Variants in PRDM11 observed in about 807,000 individuals in gnomAD.
The protein encoded by PRDM11 is PR domain-containing protein 11.
A neutral mutation model predicts 97.8 loss-of-function variants in PRDM11; 20 were observed. That is an observed-to-expected ratio of 0.20 (90% CI 0.14 to 0.30). The LOEUF is 0.30. Among genes scored for constraint, PRDM11 ranks in the 10% least tolerant of loss-of-function variants. The pLI, the probability that PRDM11 is intolerant of heterozygous loss-of-function variation, is 1.00. For synonymous variants in PRDM11, 599 were observed against 637.7 expected, an observed-to-expected ratio of 0.94 and a Z score of 0.91; for missense variants, 1,139 against 1,555.2, an observed-to-expected ratio of 0.73 and a Z score of 4.50.
At position 45,152,453 on chromosome 11, in the gene PRDM11, T is replaced by C. The variant is rs112891729; in HGVS notation, c.-7+5576T>C. 2.6e-5 allele frequency among the ~76,000 whole-genome samples: 4 copies of C among 152,220 alleles called. No homozygotes were observed. The East Asian group carries it at 7.7e-4, about 29-fold the overall frequency. ...TTTTCTTTTTAGTGCATAGCACTTA[T>C]CCCATGCCCCATGTTTTACTTTTTT... On this transcript the variant is annotated intron_variant, in intron 1 of 7. Transcript: ENST00000683152.
chr11:45,110,429 G>A (rs931781011), intron 1 of PRDM11, among the ~76,000 whole-genome samples: 4 of 152,218 alleles, frequency 2.6e-5, no homozygotes, highest in Non-Finnish European at 5.9e-5. Flanking sequence ...TTTTTCTAAA[G>A]GGCCAGGTAG....
At chr11:45,209,315 C>A (rs958866956) in intron 5 of PRDM11, 1 of 354,826 alleles carries the variant, frequency 2.8e-6, no homozygotes, top group African/African-American at 2.1e-5. Context: ...ACCAGTCCCC[C>A]CCGCCACCCA....
intron 1 of PRDM11, among the ~76,000 whole-genome samples, chr11:45,117,211 G>A (rs1482552752): frequency 8.3e-6 from 1 of 120,120 alleles, no homozygotes; most frequent in East Asian, 2.6e-4. Context: ...AACAGAGTGA[G>A]ATGAGACTCC....
chr11:45,209,864 G>C (rs1167044516), intron 5 of PRDM11, among the ~76,000 whole-genome samples: 1 of 152,238 alleles, frequency 6.6e-6, no homozygotes, highest in African/African-American at 2.4e-5. Context: ...CTGGGGACTG[G>C]GGAGGGCTCC....
chr11:45,155,556 T>A (rs1211646311), intron 1 of PRDM11, among the ~76,000 whole-genome samples: 1 of 151,722 alleles, frequency 6.6e-6, no homozygotes, highest in East Asian at 2.0e-4. Context: ...GGGGTGCCCC[T>A]CTTTAGGCCG....
chr11:45,146,680 G>C lies in PRDM11; in HGVS notation c.-204G>C, dbSNP rs1220657160. On this transcript the variant is annotated 5_prime_UTR_variant, in exon 1 of 8. Transcript: ENST00000683152. ...ATAAGATGGTGGTCAAAGCAGGGGA[G>C]GAGAGCAGCAGCGAGTCGCCGCCGC... The C allele has an allele frequency of 6.6e-6, 1 of 151,966 alleles. No individual in the cohort carries two copies. The highest frequency in any genetic ancestry group is 1.5e-5 in the Non-Finnish European group (1 of 68,000). 9.4% of individuals were successfully genotyped at this position (151,966 alleles called of 1,614,324 possible).
chr11:45,168,913 G>A (rs79395908), intron 1 of PRDM11, among the ~76,000 whole-genome samples: 1 of 152,324 alleles, frequency 6.6e-6, no homozygotes, highest in African/African-American at 2.4e-5. Flanking sequence ...GCCCTCCACA[G>A]GCCACACCCC....
Position 45,228,259 on chromosome 11 carries a change from A to G in PRDM11, c.*100A>G, listed in dbSNP as rs1854325599. 3.4e-6 allele frequency: 1 copy of G among 295,370 alleles called. No individual in the cohort carries two copies. Among genetic ancestry groups the G allele is most frequent in the African/African-American group, 2.4e-5 (1 of 41,274 alleles). 18.3% of individuals were successfully genotyped at this position (295,370 alleles called of 1,614,324 possible). On this transcript the variant is annotated 3_prime_UTR_variant, in exon 8 of 8. Coordinates refer to ENST00000683152, the MANE Select transcript of PRDM11 (RefSeq NM_001384648.1). The stretch of plus-strand genomic sequence containing the variant: ...ATAAATATATATTATATTATATTAT[A>G]TTATATTATATATATATATATATAT...
intron 4 of PRDM11, among the ~76,000 whole-genome samples, chr11:45,185,977 C>T (rs950373681): frequency 7.9e-5 from 12 of 151,842 alleles, no homozygotes; most frequent in East Asian, 5.8e-4. Context: ...TGCTGGCCTT[C>T]GAGATAGAGT....
Position 45,218,725 on chromosome 11 carries a change from T to C in PRDM11, c.555-845T>C, listed in dbSNP as rs74781175. Among the ~76,000 whole-genome samples, 1,179 of 152,354 alleles carry C rather than the reference T, an allele frequency of 7.7e-3. 12 individuals are homozygous for C. Among genetic ancestry groups the C allele is most frequent in the African/African-American group, 0.026 (1,093 of 41,582 alleles). ...TTTGGAGGTGGGTAGGGTGGTGGGC[T>C]GGATGTCGCACATGTTGTTTCAGTG... On this transcript the variant is annotated intron_variant, in intron 5 of 7. Transcript: ENST00000683152.
intron 1 of PRDM11, among the ~76,000 whole-genome samples, chr11:45,180,081 A>T (rs994908818): frequency 6.6e-6 from 1 of 152,216 alleles, no homozygotes; most frequent in Admixed American, 6.5e-5. Context: ...CCAACTTGAA[A>T]CACTTGAATC....
chr11:45,133,703 T>C (rs1852769826), intron 1 of PRDM11, among the ~76,000 whole-genome samples: 1 of 152,162 alleles, frequency 6.6e-6, no homozygotes, highest in South Asian at 2.1e-4. Context: ...GCACTAATGA[T>C]AGTACTAACT....
intron 5 of PRDM11, among the ~76,000 whole-genome samples, chr11:45,211,936 A>C (rs1218229126): frequency 6.6e-6 from 1 of 152,202 alleles, no homozygotes; most frequent in East Asian, 1.9e-4. Context: ...GGCCCCAAGC[A>C]ATGCAGACGT....
Position 45,204,894 on chromosome 11 carries a change from T to A in PRDM11, c.554+116T>A, listed in dbSNP as rs1277079693. On this transcript the variant is annotated intron_variant, in intron 5 of 7. Coordinates refer to ENST00000683152, the MANE Select transcript of PRDM11 (RefSeq NM_001384648.1). Reference sequence around the variant, plus strand: ...GTGGAGACTTCTGGAGGCTGCCGTTTGCAGGGTTTGGATGCATCTAGCTCT... The same window carrying A: ...GTGGAGACTTCTGGAGGCTGCCGTTAGCAGGGTTTGGATGCATCTAGCTCT... The A allele has an allele frequency of 4.4e-6, 5 of 1,140,256 alleles. No homozygotes were observed. In the African/African-American group the frequency reaches 6.1e-5, roughly 14 times the overall value. The allele number at this position is 1,140,256 out of a possible 1,614,324, so 70.6% of individuals were successfully genotyped here.
chr11:45,169,282 G>T (rs1852144030), intron 1 of PRDM11, among the ~76,000 whole-genome samples: 1 of 152,190 alleles, frequency 6.6e-6, no homozygotes, highest in Non-Finnish European at 1.5e-5. Flanking sequence ...AGAAATGCAT[G>T]CATCTGGTAT....
intron 1 of PRDM11, among the ~76,000 whole-genome samples, chr11:45,112,797 T>TGA (rs1303942978): frequency 1.3e-5 from 2 of 151,828 alleles, no homozygotes; most frequent in African/African-American, 4.9e-5. Flanking sequence ...TTTGTGTGTG[T>TGA]GTGTGTGTGT....
At chr11:45,181,340 GC>G (rs1852492404) in intron 1 of PRDM11, among the ~76,000 whole-genome samples, 1 of 152,218 alleles carries the variant, frequency 6.6e-6, no homozygotes, top group African/African-American at 2.4e-5. Flanking sequence ...GGCGCTGAGG[GC>G]CCGTTCGGTC....
chr11:45,135,148 T>TCTCC (rs2135655584), intron 1 of PRDM11, among the ~76,000 whole-genome samples: 1 of 151,946 alleles, frequency 6.6e-6, no homozygotes, highest in African/African-American at 2.4e-5. Context: ...TCTCTCTCTC[T>TCTCC]CTCCTACTAA....
At chr11:45,216,048 T>G (rs1165415403) in intron 5 of PRDM11, 1 of 152,646 alleles carries the variant, frequency 6.6e-6, no homozygotes, top group African/African-American at 2.4e-5. Flanking sequence ...GGTCTGAGAA[T>G]TGTTGTCTTA....
Sources: gnomAD v4.1 joint callset for allele counts (sites outside exome capture counted in the v4.1 genomes callset) on GRCh38, gnomAD v4.1.1 for gene constraint, MANE v1.5 for transcripts, NCBI Gene and HGNC (gene_info 2026-07-23, HGNC 2026-07-21) for gene names.